METTL15: variants seen among roughly 807,000 people sequenced by gnomAD.
The protein encoded by METTL15 is 12S rRNA N(4)-cytidine methyltransferase METTL15.
METTL15 carries 34 observed loss-of-function variants against 38.3 expected under a neutral mutation model. The observed-to-expected ratio is 0.89, with a 90% CI of 0.68 to 1.18. The LOEUF (loss-of-function observed/expected upper bound fraction) is 1.18. Ranked by LOEUF, METTL15 falls within the 50% of genes most tolerant of loss-of-function variation. METTL15 has a pLI of 0.00. For missense variants in METTL15, 438 were observed against 498.4 expected, an observed-to-expected ratio of 0.88 and a Z score of 1.15; for synonymous variants, 162 against 170.9, an observed-to-expected ratio of 0.95 and a Z score of 0.41.
At chr11:28,219,526 AT>A (rs1215654916) in intron 4 of METTL15, among the ~76,000 whole-genome samples, 2 of 151,798 alleles carry the variant, frequency 1.3e-5, no homozygotes, top group Non-Finnish European at 1.5e-5. Flanking sequence ...TGATTTATTG[AT>A]TTTTTTGAAG....
At chr11:28,164,308 C>T (rs1850579317) in intron 3 of METTL15, among the ~76,000 whole-genome samples, 1 of 151,962 alleles carries the variant, frequency 6.6e-6, no homozygotes, top group African/African-American at 2.4e-5. Context: ...ACAAGAAATA[C>T]TGAACCATTG....
intron 3 of METTL15, among the ~76,000 whole-genome samples, chr11:28,209,202 G>T (rs1852513006): frequency 6.6e-6 from 1 of 151,918 alleles, no homozygotes; most frequent in East Asian, 1.9e-4. Context: ...CTCAGAATAA[G>T]GGTAATTGTA....
chr11:28,154,913 C>G (rs1850211458), intron 3 of METTL15, among the ~76,000 whole-genome samples: 1 of 152,044 alleles, frequency 6.6e-6, no homozygotes, highest in Non-Finnish European at 1.5e-5. Flanking sequence ...TAGCGTATGA[C>G]TTAAGTGAAT....
chr11:28,239,542 G>A (rs1854194145), intron 4 of METTL15, among the ~76,000 whole-genome samples: 2 of 152,136 alleles, frequency 1.3e-5, no homozygotes, highest in South Asian at 4.1e-4. Context: ...TCCTTCTATA[G>A]TGTATTATCA....
At chr11:28,292,303 G>A (rs1305765130) in intron 5 of METTL15, among the ~76,000 whole-genome samples, 1 of 147,140 alleles carries the variant, frequency 6.8e-6, no homozygotes, top group African/African-American at 2.5e-5. Flanking sequence ...GTGAGAACAT[G>A]TGGTGTTTGG....
At position 28,332,923 on chromosome 11, in the gene METTL15, C is replaced by T. The variant is rs1334993554; in HGVS notation, c.*2082C>T. On this transcript the variant is annotated 3_prime_UTR_variant, in exon 7 of 7. Coordinates refer to ENST00000407364, the MANE Select transcript of METTL15 (RefSeq NM_001113528.2). ...CTGCACTCCAGTGTGAGCAACAGAACGAGACTCTGTCTCAAAAAAAAAAAA... is the reference window on the plus strand; with the variant it reads ...CTGCACTCCAGTGTGAGCAACAGAATGAGACTCTGTCTCAAAAAAAAAAAA... 1.5e-4 allele frequency: 18 copies of T among 121,588 alleles called. No homozygotes were observed. Among genetic ancestry groups the T allele is most frequent in the African/African-American group, 5.1e-4 (14 of 27,224 alleles). 7.5% of individuals were successfully genotyped at this position (121,588 alleles called of 1,614,324 possible).
chr11:28,181,184 A>G (rs1274492809), intron 3 of METTL15, among the ~76,000 whole-genome samples: 1 of 151,710 alleles, frequency 6.6e-6, no homozygotes, highest in Non-Finnish European at 1.5e-5. Context: ...AGGGATATCA[A>G]TGAGTCACAA....
At chr11:28,263,496 T>C (rs1855291712) in intron 4 of METTL15, among the ~76,000 whole-genome samples, 1 of 152,108 alleles carries the variant, frequency 6.6e-6, no homozygotes, top group Non-Finnish European at 1.5e-5. Flanking sequence ...TGATTTATTT[T>C]TGTAGACAAT....
chr11:28,144,743 A>T (rs1439599197), intron 3 of METTL15, among the ~76,000 whole-genome samples: 1 of 152,100 alleles, frequency 6.6e-6, no homozygotes, highest in Admixed American at 6.6e-5. Flanking sequence ...ATATTAAAGG[A>T]TGTAAACATT....
rs570840608 is a variant in METTL15 at position 28,374,415 on chromosome 11, C to T, written c.*358+12379C>T. ...AAGTTGGTTTCCTAGGTATTTTATT[C>T]TCTTTGAAGCAATTGTGAATGGGAG... On this transcript the variant is annotated intron_variant and NMD_transcript_variant, in intron 5 of 7. Coordinates refer to the METTL15 transcript ENST00000532947. 1.1e-4 allele frequency among the ~76,000 whole-genome samples: 17 copies of T among 151,610 alleles called. No homozygotes were observed. The East Asian group carries it at 3.3e-3, about 29-fold the overall frequency.
intron 4 of METTL15, among the ~76,000 whole-genome samples, chr11:28,266,446 A>G (rs963375833): frequency 2.0e-5 from 3 of 152,198 alleles, no homozygotes; most frequent in Non-Finnish European, 4.4e-5. Flanking sequence ...ATTCTCAGCA[A>G]ACTATCACAA....
chr11:28,124,005 A>G (rs567277815), intron 3 of METTL15: 5 of 630,432 alleles, frequency 7.9e-6, no homozygotes, highest in African/African-American at 5.7e-5. Context: ...GCACTTTTAT[A>G]TATTATTGAC....
chr11:28,518,118 G>T (rs187907430), intron 6 of METTL15, among the ~76,000 whole-genome samples: 1 of 152,060 alleles, frequency 6.6e-6, no homozygotes, highest in South Asian at 2.1e-4. Flanking sequence ...CTGCTGGCAG[G>T]CCAATAGCAA....
chr11:28,264,745 G>T (rs576326001), intron 4 of METTL15, among the ~76,000 whole-genome samples: 1 of 152,188 alleles, frequency 6.6e-6, no homozygotes, highest in East Asian at 1.9e-4. Flanking sequence ...TCTGAATAGA[G>T]TTGGTTCTTC....
At chr11:28,258,329 G>A (rs965252165) in intron 4 of METTL15, among the ~76,000 whole-genome samples, 4 of 152,152 alleles carry the variant, frequency 2.6e-5, no homozygotes, top group East Asian at 1.9e-4. Flanking sequence ...GGTCAGACCT[G>A]AAGCCAGCAC....
intron 4 of METTL15, among the ~76,000 whole-genome samples, chr11:28,220,218 G>A (rs1418194614): frequency 6.6e-6 from 1 of 152,118 alleles, no homozygotes; most frequent in South Asian, 2.1e-4. Flanking sequence ...AGGTCTCTGA[G>A]GACTTGCTTT....
intron 6 of METTL15, among the ~76,000 whole-genome samples, chr11:28,466,976 G>T (rs1851262201): frequency 6.6e-6 from 1 of 152,158 alleles, no homozygotes; most frequent in Admixed American, 6.5e-5. Context: ...TTTTAAACCT[G>T]GAGTCCTTTT....
chr11:28,239,169 A>G (rs1171735490), intron 4 of METTL15, among the ~76,000 whole-genome samples: 6 of 152,088 alleles, frequency 3.9e-5, no homozygotes, highest in Non-Finnish European at 7.4e-5. Flanking sequence ...ATCCCATCCA[A>G]CTGCTTAGCT....
chr11:28,467,666 C>T (rs899082628), intron 6 of METTL15, among the ~76,000 whole-genome samples: 1 of 152,162 alleles, frequency 6.6e-6, no homozygotes, highest in Non-Finnish European at 1.5e-5. Flanking sequence ...TACTGAGTGT[C>T]TTCTCTGTAC....
Sources: gnomAD v4.1 joint callset for allele counts (sites outside exome capture counted in the v4.1 genomes callset) on GRCh38, gnomAD v4.1.1 for gene constraint, MANE v1.5 for transcripts, NCBI Gene and HGNC (gene_info 2026-07-23, HGNC 2026-07-21) for gene names.